The following UGCG variants were observed in gnomAD, a reference collection of about 807,000 sequenced individuals.
The protein encoded by UGCG is ceramide glucosyltransferase.
A neutral mutation model predicts 49.5 loss-of-function variants in UGCG; 10 were observed. That is an observed-to-expected ratio of 0.20 (90% CI 0.12 to 0.34). The LOEUF (loss-of-function observed/expected upper bound fraction) is 0.34. Among genes scored for constraint, UGCG ranks in the 10% least tolerant of loss-of-function variants. The pLI is 1.00. For synonymous variants in UGCG, 182 were observed against 158.2 expected (o/e 1.15, Z -1.13); for missense variants, 312 against 483.7 (o/e 0.65, Z 3.33).
intron 1 of UGCG, among the ~76,000 whole-genome samples, chr9:111,904,905 C>T (rs1436171014): frequency 1.3e-5 from 2 of 151,972 alleles, no homozygotes; most frequent in African/African-American, 2.4e-5. Flanking sequence ...CGGGGAGGAT[C>T]GCCTGAGGCC....
chr9:111,923,090 CTTTTG>C (rs1838255553), intron 3 of UGCG, 139 bp downstream of exon 3: 3 of 449,900 alleles, frequency 6.7e-6, no homozygotes, highest in Non-Finnish European at 1.1e-5. Context: ...TGTTTACGTC[CTTTTG>C]AGAAAAGTTA....
At chr9:111,909,199 C>G (rs767269852) in intron 1 of UGCG, among the ~76,000 whole-genome samples, 7 of 152,104 alleles carry the variant, frequency 4.6e-5, no homozygotes, top group Non-Finnish European at 7.4e-5. Context: ...GAATTATAAG[C>G]ATGAGCCACT....
chr9:111,903,677 C>G (rs904732977), intron 1 of UGCG, among the ~76,000 whole-genome samples: 1 of 152,204 alleles, frequency 6.6e-6, no homozygotes, highest in African/African-American at 2.4e-5. Context: ...CTCACCACAG[C>G]CTTGACCTCC....
At chr9:111,899,871 C>G (rs913852211) in intron 1 of UGCG, among the ~76,000 whole-genome samples, 1 of 152,028 alleles carries the variant, frequency 6.6e-6, no homozygotes, top group Admixed American at 6.6e-5. Flanking sequence ...TTTGATTATT[C>G]CACTGTTTTG....
chr9:111,921,106 G>A (rs1208872323), intron 2 of UGCG, among the ~76,000 whole-genome samples: 8 of 151,786 alleles, frequency 5.3e-5, no homozygotes, highest in Non-Finnish European at 1.2e-4. Flanking sequence ...GTTTCACCAT[G>A]TTTCCCAGGC....
intron 2 of UGCG, among the ~76,000 whole-genome samples, chr9:111,917,987 A>G (rs1270327119): frequency 6.6e-6 from 1 of 152,194 alleles, no homozygotes; most frequent in Non-Finnish European, 1.5e-5. Flanking sequence ...CAGAGTTCTT[A>G]ACAGTGAACC....
At chr9:111,897,876 T>C (rs1358350797) in intron 1 of UGCG, among the ~76,000 whole-genome samples, 3 of 151,538 alleles carry the variant, frequency 2.0e-5, no homozygotes, top group Non-Finnish European at 4.4e-5. Flanking sequence ...AGCTTGTACA[T>C]CTCAGCGTGG....
intron 1 of UGCG, among the ~76,000 whole-genome samples, chr9:111,911,398 A>T (rs750744859): frequency 3.4e-4 from 51 of 152,170 alleles, no homozygotes; most frequent in Non-Finnish European, 6.6e-4. Context: ...CAAGTTTATG[A>T]ATATGTACAT....
intron 1 of UGCG, among the ~76,000 whole-genome samples, chr9:111,909,309 A>AT (rs1406412010): frequency 2.0e-5 from 3 of 152,218 alleles, no homozygotes; most frequent in Non-Finnish European, 2.9e-5. Context: ...AATCACTGGG[A>AT]TTTAAAAAAA....
At chr9:111,905,453 A>G (rs10119090) in intron 1 of UGCG, among the ~76,000 whole-genome samples, 23,825 of 147,078 alleles carry the variant, frequency 0.16, 2,476 homozygotes, top group Admixed American at 0.28. Context: ...TCCTTCATGC[A>G]TTACTCTTTT....
intron 2 of UGCG, among the ~76,000 whole-genome samples, chr9:111,916,463 G>GT (rs927554523): frequency 3.8e-4 from 58 of 152,160 alleles, no homozygotes; most frequent in East Asian, 3.9e-4. Flanking sequence ...AGAAAGAATG[G>GT]TTTTTTGTGT....
At chr9:111,932,573 G>A (rs2118608862) in intron 8 of UGCG, among the ~76,000 whole-genome samples, 1 of 152,222 alleles carries the variant, frequency 6.6e-6, no homozygotes, top group South Asian at 2.1e-4. Flanking sequence ...CTTTTATTAA[G>A]TTTCCAAAAA....
At chr9:111,910,671 C>T (rs1019483480) in intron 1 of UGCG, among the ~76,000 whole-genome samples, 2 of 152,114 alleles carry the variant, frequency 1.3e-5, no homozygotes, top group African/African-American at 4.8e-5. Flanking sequence ...GGGTTTTGTT[C>T]AGGTACACAG....
chr9:111,919,286 GC>G (rs754345437), intron 2 of UGCG, among the ~76,000 whole-genome samples: 76 of 152,096 alleles, frequency 5.0e-4, no homozygotes, highest in Admixed American at 3.5e-3. Context: ...GATCACTTGA[GC>G]CCAAGCATTC....
chr9:111,915,892 T>C, intron 2 of UGCG: 1 of 930,218 alleles, frequency 1.1e-6, no homozygotes, highest in African/African-American at 1.8e-5. Flanking sequence ...TATTATTGCT[T>C]TGGAGTTTTG....
intron 5 of UGCG, among the ~76,000 whole-genome samples, chr9:111,929,081 C>T (rs1015353245): frequency 6.6e-5 from 9 of 135,842 alleles, no homozygotes; most frequent in South Asian, 5.5e-4. Context: ...AGGATTGTCC[C>T]GAAGGTTGAT....
chr9:111,903,673 A>G (rs1308086232), intron 1 of UGCG, among the ~76,000 whole-genome samples: 2 of 151,936 alleles, frequency 1.3e-5, no homozygotes, highest in Non-Finnish European at 2.9e-5. Flanking sequence ...ATGGCTCACC[A>G]CAGCCTTGAC....
intron 3 of UGCG, among the ~76,000 whole-genome samples, chr9:111,924,330 T>A (rs1316003557): frequency 1.3e-5 from 2 of 152,220 alleles, no homozygotes; most frequent in Non-Finnish European, 2.9e-5. Flanking sequence ...TTACCACACA[T>A]ATTTATTCAT....
At chr9:111,927,413 C>T (rs916967409) in intron 5 of UGCG, among the ~76,000 whole-genome samples, 1 of 151,664 alleles carries the variant, frequency 6.6e-6, no homozygotes, top group African/African-American at 2.4e-5. Context: ...ACCTAGAACC[C>T]TAACAATTAC....
Sources: gnomAD v4.1 joint callset for allele counts (sites outside exome capture counted in the v4.1 genomes callset) on GRCh38, gnomAD v4.1.1 for gene constraint, MANE v1.5 for transcripts, NCBI Gene and HGNC (gene_info 2026-07-23, HGNC 2026-07-21) for gene names.